The following DMXL2 variants were observed in gnomAD, a reference collection of about 807,000 sequenced individuals.
The protein encoded by DMXL2 is dmX-like protein 2.
In DMXL2, 103 loss-of-function variants were observed where a neutral mutation model predicts 331.1. That is an observed-to-expected ratio of 0.31 (90% CI 0.27 to 0.37). The LOEUF (loss-of-function observed/expected upper bound fraction) is 0.37, where lower values mean the gene tolerates loss of function less well. Ranked by LOEUF, DMXL2 falls within the 10% of genes least tolerant of loss-of-function variation. DMXL2 has a pLI of 1.00. For missense variants in DMXL2, 3,171 were observed against 3,642.9 expected (o/e 0.87, Z 3.33); for synonymous variants, 1,281 against 1,252.1 (o/e 1.02, Z -0.49).
In DMXL2 at chr15:51,557,050, A is replaced by T. The variant is rs56711559; in HGVS notation, c.567+6331T>A. Among the ~76,000 whole-genome samples the T allele has an allele frequency of 6.0e-3, 273 of 45,250 alleles. 14 individuals are homozygous for T. In the East Asian group the frequency reaches 0.096, roughly 16 times the overall value. The allele number at this position is 45,250 out of a possible 152,430, so 29.7% of individuals were successfully genotyped here. A position where few individuals can be genotyped will look rare whatever the true frequency, so the allele number is the denominator to read the frequency against. On this transcript the variant is annotated intron_variant, in intron 6 of 43. Coordinates refer to ENST00000560891, the MANE Select transcript of DMXL2 (RefSeq NM_001378457.1). Reference sequence around the variant, plus strand: ...GCTAGAGGTCCTAGACACTGCAGTTAAAAAAAAAAGGAAAAATATGAAAAA... The same window carrying T: ...GCTAGAGGTCCTAGACACTGCAGTTTAAAAAAAAAGGAAAAATATGAAAAA...
At chr15:51,482,804 C>T (rs1210140213) in intron 23 of DMXL2, among the ~76,000 whole-genome samples, 1 of 152,144 alleles carries the variant, frequency 6.6e-6, no homozygotes, top group Non-Finnish European at 1.5e-5. Flanking sequence ...GAGAATGATG[C>T]CAGCAAGATG....
At chr15:51,603,262 AG>A (rs1482608601) in intron 1 of DMXL2, among the ~76,000 whole-genome samples, 2 of 152,268 alleles carry the variant, frequency 1.3e-5, no homozygotes, top group Non-Finnish European at 2.9e-5. Context: ...AGAATAAAAG[AG>A]GGGTATCAGT....
Position 51,499,010 on chromosome 15 carries a change from G to A in DMXL2, c.4214C>T (p.Thr1405Ile). 6.2e-7 allele frequency: 1 copy of A among 1,613,932 alleles called. No individual in the cohort carries two copies. Among genetic ancestry groups the A allele is most frequent in the Non-Finnish European group, 8.5e-7 (1 of 1,180,014 alleles). The part of the protein sequence containing the change: ...LSRTISVSGS[T>I]AKETVTVGKD... Reference sequence around the variant, plus strand: ...TCCTACGGTGACTGTTTCCTTTGCTGTACTGCCACTTACACTAATAGTTCG... The same window carrying A: ...TCCTACGGTGACTGTTTCCTTTGCTATACTGCCACTTACACTAATAGTTCG... The change falls in exon 18 of 44, where the codon ACA becomes ATA. Residue 1405 changes from threonine (T) to isoleucine (I), a missense_variant. By Grantham distance (89) the Thr-to-Ile change is moderately conservative. This residue lies in a region of DMXL2 where 1,674 missense variants were observed against 1,780.2 expected (regional missense o/e 0.94). Coordinates refer to ENST00000560891, the MANE Select transcript of DMXL2 (RefSeq NM_001378457.1).
chr15:51,521,470 GGTA>G (rs1350221640), intron 13 of DMXL2, among the ~76,000 whole-genome samples: 1 of 148,958 alleles, frequency 6.7e-6, no homozygotes. Flanking sequence ...TAGTGGTAGT[GGTA>G]GTAGTAGTAG....
At chr15:51,541,649 C>T (rs1358718765) in intron 9 of DMXL2, among the ~76,000 whole-genome samples, 2 of 152,082 alleles carry the variant, frequency 1.3e-5, no homozygotes, top group Non-Finnish European at 2.9e-5. Flanking sequence ...AACAGACCTC[C>T]AGTTCAATAA....
At chr15:51,541,506 G>A (rs2048593179) in intron 9 of DMXL2, among the ~76,000 whole-genome samples, 1 of 151,760 alleles carries the variant, frequency 6.6e-6, no homozygotes, top group African/African-American at 2.4e-5. Context: ...GCTAATACGG[G>A]GCCAGTGGCT....
chr15:51,527,937 GACAA>G (rs2047773654), intron 13 of DMXL2, among the ~76,000 whole-genome samples: 3 of 151,536 alleles, frequency 2.0e-5, no homozygotes, highest in African/African-American at 7.2e-5. Flanking sequence ...GTTGTAGCAG[GACAA>G]AGTTAAGGAG....
intron 15 of DMXL2, among the ~76,000 whole-genome samples, chr15:51,510,592 A>C (rs924080375): frequency 4.6e-5 from 7 of 152,210 alleles, no homozygotes; most frequent in African/African-American, 1.7e-4. Flanking sequence ...GGAAAAAATC[A>C]ATATTGTGAA....
chr15:51,587,995 T>C (rs62270885), intron 1 of DMXL2, among the ~76,000 whole-genome samples: 7 of 152,206 alleles, frequency 4.6e-5, no homozygotes, highest in African/African-American at 1.7e-4. Context: ...TCATATCCTT[T>C]GCCCACTTTT....
intron 29 of DMXL2, among the ~76,000 whole-genome samples, chr15:51,469,265 A>G (rs2040874893): frequency 1.3e-5 from 2 of 152,086 alleles, no homozygotes; most frequent in South Asian, 4.1e-4. Context: ...TTGCTTCCAA[A>G]CAAAGTAGTG....
intron 1 of DMXL2, among the ~76,000 whole-genome samples, chr15:51,593,474 T>C (rs1322749764): frequency 6.6e-6 from 1 of 152,156 alleles, no homozygotes; most frequent in Non-Finnish European, 1.5e-5. Flanking sequence ...TGGGAGACTT[T>C]AACACCCCAC....
rs1427315959 is a variant in DMXL2, at chr15:51,537,606, G to A, written c.1499C>T (p.Thr500Ile). 6.2e-7 allele frequency: 1 copy of A among 1,613,810 alleles called. No homozygotes were observed. ...LLDRKIETLL[T>I]EWNKNPDMLF... ...CATATCAGGATTCTTATTCCATTCA[G>A]TTAGCAGCGTTTCAATCTTCCGATC... Residue 500 changes from threonine to isoleucine, a missense_variant, in exon 11 of 44, where the codon ACT (threonine) becomes ATT (isoleucine). Transcript: ENST00000560891.
intron 1 of DMXL2, among the ~76,000 whole-genome samples, chr15:51,599,562 C>T (rs1270742230): frequency 6.6e-6 from 1 of 152,150 alleles, no homozygotes; most frequent in Non-Finnish European, 1.5e-5. Flanking sequence ...TAAATATACA[C>T]AAATATATGC....
intron 37 of DMXL2, 151 bp downstream of exon 37, chr15:51,457,176 TA>T: frequency 1.1e-6 from 1 of 874,608 alleles, no homozygotes. Context: ...TGTCACCAAA[TA>T]AAAAAGCCAC....
intron 1 of DMXL2, among the ~76,000 whole-genome samples, chr15:51,595,423 G>A (rs1567166552): frequency 6.6e-6 from 1 of 152,162 alleles, no homozygotes; most frequent in Non-Finnish European, 1.5e-5. Flanking sequence ...AATAAAAGAG[G>A]ATACAAATAA....
intron 10 of DMXL2, 28 bp from the exon 11 acceptor site, chr15:51,537,787 C>T (rs1176936623): frequency 6.3e-7 from 1 of 1,594,360 alleles, no homozygotes; most frequent in African/African-American, 1.3e-5. Context: ...TTTATCAATA[C>T]AAGCATTAAA....
At chr15:51,587,698 T>C (rs1471161047) in intron 1 of DMXL2, among the ~76,000 whole-genome samples, 1 of 152,238 alleles carries the variant, frequency 6.6e-6, no homozygotes, top group Non-Finnish European at 1.5e-5. Context: ...ATGGGATGGC[T>C]GGGTCAGATG....
Position 51,498,907 on chromosome 15 carries a change from T to C in DMXL2, c.4317A>G (p.Gln1439=), listed in dbSNP as rs748930563. ...CTTCTGAAATTCTGTAGGATGTATC[T>C]TGATCTGCAGCAAGTAATGCATATA... The part of the protein sequence containing the change: ...LPLYALLAAD[Q]DTSYRISEES... The change falls in exon 18 of 44, where the codon CAA becomes CAG. Residue 1439 remains glutamine (Q), a synonymous_variant. Coordinates refer to ENST00000560891, the MANE Select transcript of DMXL2 (RefSeq NM_001378457.1). 5.0e-6 allele frequency: 8 copies of C among 1,614,158 alleles called. No homozygotes were observed. Among genetic ancestry groups the C allele is most frequent in the Middle Eastern group, 3.3e-4 (2 of 6,062 alleles).
intron 6 of DMXL2, among the ~76,000 whole-genome samples, chr15:51,555,031 G>A (rs911984338): frequency 1.3e-5 from 2 of 152,080 alleles, no homozygotes; most frequent in East Asian, 1.9e-4. Context: ...GGTGGCACAC[G>A]CTTGTAATCC....
Sources: gnomAD v4.1 joint callset for allele counts (sites outside exome capture counted in the v4.1 genomes callset) on GRCh38, gnomAD v4.1.1 for gene constraint, gnomAD v4.1.1 regional missense constraint, MANE v1.5 for transcripts, NCBI Gene and HGNC (gene_info 2026-07-23, HGNC 2026-07-21) for gene names.